Variants in MAST4 observed in about 807,000 individuals in gnomAD.
The protein encoded by MAST4 is microtubule associated serine/threonine kinase family member 4, also known as microtubule-associated serine/threonine-protein kinase 4.
MAST4 carries 89 observed loss-of-function variants against 162.7 expected under a neutral mutation model. That is an observed-to-expected ratio of 0.55 (90% CI 0.46 to 0.65). The LOEUF (loss-of-function observed/expected upper bound fraction) is 0.65. Among genes scored for constraint, MAST4 ranks in the 30% least tolerant of loss-of-function variants. The probability of loss-of-function intolerance (pLI) is 0.00; values close to 1 mark genes in which losing one functional copy is unlikely to be tolerated. For synonymous variants in MAST4, 1,479 were observed against 1,361.1 expected (o/e 1.09, Z -1.91); for missense variants, 3,153 against 3,374.0 (o/e 0.93, Z 1.62).
intron 4 of MAST4, among the ~76,000 whole-genome samples, chr5:66,937,823 A>G (rs183843546): frequency 5.1e-4 from 78 of 152,082 alleles, no homozygotes; most frequent in African/African-American, 1.6e-3. Flanking sequence ...CATTTTTTAT[A>G]TTCAGTCTAA....
intron 6 of MAST4, 54 bp from the exon 7 acceptor site, chr5:67,095,543 T>C: frequency 7.3e-7 from 1 of 1,367,846 alleles, no homozygotes; most frequent in Non-Finnish European, 1.0e-6. Flanking sequence ...TCCCTGGGGT[T>C]CCCATGTGAC....
rs758088786 is a variant in MAST4 at position 67,152,884 on chromosome 5, C to G, written c.3525+18C>G. ...TCGTCTGGGTAAGACCTGCATGTCT[C>G]GCACTTGGGATTTTTCATTTCCAGC... On this transcript the variant is annotated intron_variant, in intron 25 of 28. Transcript: ENST00000403625. The G allele has an allele frequency of 2.1e-5, 34 of 1,589,186 alleles. No homozygotes were observed. Among genetic ancestry groups the G allele is most frequent in the Admixed American group, 6.8e-5 (4 of 59,186 alleles).
intron 4 of MAST4, among the ~76,000 whole-genome samples, chr5:67,027,829 A>AT (rs1754845603): frequency 6.6e-6 from 1 of 152,196 alleles, no homozygotes; most frequent in Admixed American, 6.5e-5. Flanking sequence ...TAAGATATGC[A>AT]GAGGAGATTT....
intron 14 of MAST4, among the ~76,000 whole-genome samples, chr5:67,129,836 G>A (rs1283016764): frequency 1.3e-5 from 2 of 152,162 alleles, no homozygotes; most frequent in Non-Finnish European, 2.9e-5. Flanking sequence ...TTATATGTGT[G>A]TAACTTTGTT....
chr5:66,875,067 A>G (rs1235114662), intron 3 of MAST4, among the ~76,000 whole-genome samples: 1 of 152,244 alleles, frequency 6.6e-6, no homozygotes. Context: ...AGGCTTTAAA[A>G]TGTCTACATT....
chr5:66,799,841 G>A (rs1755830122), intron 3 of MAST4, among the ~76,000 whole-genome samples: 1 of 152,166 alleles, frequency 6.6e-6, no homozygotes. Flanking sequence ...CCACTTACTA[G>A]ATATGTGACC....
At chr5:66,715,230 T>C (rs920542147) in intron 1 of MAST4, among the ~76,000 whole-genome samples, 14 of 152,114 alleles carry the variant, frequency 9.2e-5, no homozygotes, top group African/African-American at 3.1e-4. Context: ...AAAGGGAAAA[T>C]GAGAAGATTG....
At chr5:66,668,785 T>A (rs1747428368) in intron 1 of MAST4, among the ~76,000 whole-genome samples, 1 of 152,238 alleles carries the variant, frequency 6.6e-6, no homozygotes, top group South Asian at 2.1e-4. Flanking sequence ...TTGTGAAATA[T>A]GATTTGCTTA....
At chr5:67,081,082 TATTATATAATATATA>T (rs1762593007) in intron 5 of MAST4, among the ~76,000 whole-genome samples, 1 of 74,934 alleles carries the variant, frequency 1.3e-5, no homozygotes. Context: ...TAATTGTATA[TATTATATAATATATA>T]ATTGTATATA....
At chr5:67,102,663 G>A in intron 9 of MAST4, 52 bp downstream of exon 9, 1 of 1,428,158 alleles carries the variant, frequency 7.0e-7, no homozygotes, top group Non-Finnish European at 9.9e-7. Context: ...GGCACCATAG[G>A]TTTAGAGTCT....
chr5:66,705,021 G>A (rs1580246931), intron 1 of MAST4, among the ~76,000 whole-genome samples: 1 of 152,236 alleles, frequency 6.6e-6, no homozygotes, highest in Non-Finnish European at 1.5e-5. Flanking sequence ...AATGTTAGGT[G>A]CCCACCAAGC....
At chr5:67,029,221 A>G (rs1463814105) in intron 4 of MAST4, among the ~76,000 whole-genome samples, 2 of 152,054 alleles carry the variant, frequency 1.3e-5, no homozygotes, top group African/African-American at 2.4e-5. Context: ...AGCTTCAAGT[A>G]TTTATGGTCT....
At chr5:66,741,755 G>T (rs1370122242) in intron 1 of MAST4, among the ~76,000 whole-genome samples, 2 of 152,152 alleles carry the variant, frequency 1.3e-5, no homozygotes, top group African/African-American at 4.8e-5. Context: ...AGGTGGCCTG[G>T]CTTCTGGCAG....
intron 26 of MAST4, among the ~76,000 whole-genome samples, chr5:67,156,822 G>A (rs928292618): frequency 1.3e-5 from 2 of 152,192 alleles, no homozygotes; most frequent in Admixed American, 6.5e-5. Context: ...TGCAAAAGCA[G>A]TCGTTCGGTG....
At chr5:67,129,763 C>T (rs1768725036) in intron 14 of MAST4, among the ~76,000 whole-genome samples, 1 of 151,528 alleles carries the variant, frequency 6.6e-6, no homozygotes, top group African/African-American at 2.4e-5. Context: ...AAAATTATTG[C>T]TTTAGTTGGT....
intron 3 of MAST4, among the ~76,000 whole-genome samples, chr5:66,790,330 C>T (rs1410911018): frequency 6.6e-6 from 1 of 152,108 alleles, no homozygotes; most frequent in Non-Finnish European, 1.5e-5. Context: ...TCTCTCATCT[C>T]ATTTGTACTT....
chr5:66,711,267 C>T (rs1162986483), intron 1 of MAST4, among the ~76,000 whole-genome samples: 5 of 152,220 alleles, frequency 3.3e-5, no homozygotes, highest in African/African-American at 9.6e-5. Flanking sequence ...TAAGGCAGTA[C>T]AAGCTACTTC....
At chr5:66,742,027 C>G (rs1358437217) in intron 1 of MAST4, among the ~76,000 whole-genome samples, 1 of 152,184 alleles carries the variant, frequency 6.6e-6, no homozygotes, top group African/African-American at 2.4e-5. Flanking sequence ...ACTCCCAGAG[C>G]GGAGTGCTGT....
intron 1 of MAST4, among the ~76,000 whole-genome samples, chr5:66,672,466 G>A (rs1017474109): frequency 3.3e-5 from 5 of 151,916 alleles, no homozygotes; most frequent in Non-Finnish European, 7.4e-5. Flanking sequence ...ATGTATTTTC[G>A]TTTTCTATCT....
Sources: allele counts gnomAD v4.1 joint callset (sites outside exome capture counted in the v4.1 genomes callset), GRCh38; gene constraint gnomAD v4.1.1; transcripts MANE v1.5; gene names NCBI Gene and HGNC (gene_info 2026-07-23, HGNC 2026-07-21).